The following PARP8 variants were observed in gnomAD, a reference collection of about 807,000 sequenced individuals.
The protein encoded by PARP8 is protein mono-ADP-ribosyltransferase PARP8.
PARP8 carries 51 observed loss-of-function variants against 124.1 expected under a neutral mutation model. The observed-to-expected ratio is 0.41, with a 90% CI of 0.33 to 0.52. The LOEUF (loss-of-function observed/expected upper bound fraction) is 0.52, where lower values mean the gene tolerates loss of function less well. Among genes scored for constraint, PARP8 ranks in the 20% least tolerant of loss-of-function variants. PARP8 has a pLI of 0.21. For synonymous variants in PARP8, 391 were observed against 361.5 expected (o/e 1.08, Z -0.93); for missense variants, 860 against 1,018.9 (o/e 0.84, Z 2.12).
intron 22 of PARP8, among the ~76,000 whole-genome samples, chr5:50,832,102 T>C (rs2149718566): frequency 6.6e-6 from 1 of 152,266 alleles, no homozygotes. Context: ...AACAGGCTTT[T>C]CCCCTTCTCA....
intron 3 of PARP8, among the ~76,000 whole-genome samples, chr5:50,753,506 A>G (rs1465297127): frequency 1.3e-5 from 2 of 152,256 alleles, no homozygotes; most frequent in East Asian, 3.9e-4. Context: ...CTTTTTAGTG[A>G]CAATACTTTC....
chr5:50,814,567 C>A, intron 14 of PARP8, among the ~76,000 whole-genome samples: 1 of 151,986 alleles, frequency 6.6e-6, no homozygotes, highest in East Asian at 1.9e-4. Flanking sequence ...TTTGGACAGG[C>A]TTTCTATCTA....
At chr5:50,810,289 A>G (rs774990331) in intron 14 of PARP8, among the ~76,000 whole-genome samples, 7 of 152,004 alleles carry the variant, frequency 4.6e-5, no homozygotes, top group Non-Finnish European at 8.8e-5. Context: ...AATTGGGACT[A>G]ATAGTCTTTT....
intron 2 of PARP8, among the ~76,000 whole-genome samples, chr5:50,735,147 G>T (rs1451059652): frequency 6.6e-6 from 1 of 151,878 alleles, no homozygotes; most frequent in East Asian, 1.9e-4. Context: ...CTTTTGTTTG[G>T]CTTCTGGGTA....
chr5:50,755,118 C>T (rs1383940324), intron 3 of PARP8, among the ~76,000 whole-genome samples: 2 of 152,092 alleles, frequency 1.3e-5, no homozygotes, highest in African/African-American at 2.4e-5. Context: ...CATTTTCTCC[C>T]ATTCTGTAGG....
At chr5:50,818,176 G>GGC (rs1241518212) in intron 15 of PARP8, among the ~76,000 whole-genome samples, 20 of 105,706 alleles carry the variant, frequency 1.9e-4, no homozygotes, top group East Asian at 5.2e-4. Context: ...ATATCATTTA[G>GGC]CCCCCCCCCC....
chr5:50,726,300 C>T (rs1222911326), intron 2 of PARP8, among the ~76,000 whole-genome samples: 2 of 151,860 alleles, frequency 1.3e-5, no homozygotes, highest in Non-Finnish European at 2.9e-5. Context: ...TCATTAAGTG[C>T]GTAGTACAAA....
intron 2 of PARP8, among the ~76,000 whole-genome samples, chr5:50,673,478 A>G (rs1480157412): frequency 6.6e-6 from 1 of 152,176 alleles, no homozygotes; most frequent in Non-Finnish European, 1.5e-5. Flanking sequence ...CGTGTTTCCA[A>G]AAAACACAAA....
chr5:50,705,778 T>A (rs1265209166), intron 2 of PARP8, among the ~76,000 whole-genome samples: 1 of 151,614 alleles, frequency 6.6e-6, no homozygotes, highest in African/African-American at 2.4e-5. Context: ...AGACTCTGTT[T>A]CCCAAAAAAA....
At chr5:50,807,513 G>T (rs1054529583) in intron 14 of PARP8, among the ~76,000 whole-genome samples, 2 of 152,078 alleles carry the variant, frequency 1.3e-5, no homozygotes, top group Non-Finnish European at 2.9e-5. Flanking sequence ...AATTGTTTTA[G>T]AGATGGTTTT....
At chr5:50,822,437 A>T in intron 17 of PARP8, 37 bp downstream of exon 17, 1 of 1,493,616 alleles carries the variant, frequency 6.7e-7, no homozygotes, top group South Asian at 1.2e-5. Flanking sequence ...GTATATTTTT[A>T]AAATGTCTGA....
chr5:50,675,465 C>T (rs1486858937), intron 2 of PARP8, among the ~76,000 whole-genome samples: 1 of 152,096 alleles, frequency 6.6e-6, no homozygotes, highest in Non-Finnish European at 1.5e-5. Flanking sequence ...CCACCACGGC[C>T]GGCTAATTTT....
intron 2 of PARP8, among the ~76,000 whole-genome samples, chr5:50,703,477 G>A (rs2149478428): frequency 6.6e-6 from 1 of 152,070 alleles, no homozygotes; most frequent in East Asian, 1.9e-4. Context: ...CTCCTTAGGG[G>A]GGTTTGATTT....
At position 50,667,836 on chromosome 5, in the gene PARP8, C is replaced by T. The variant is rs1419434588; in HGVS notation, c.92-235C>T. On this transcript the variant is annotated intron_variant, in intron 1 of 25. Transcript: ENST00000281631. The stretch of plus-strand genomic sequence containing the variant: ...TTCCGGCCTCCCCTATCGGGAAATT[C>T]CCGCTGTTGCCATGGCACCCGGCAC... The T allele has an allele frequency of 7.9e-6, 10 of 1,259,770 alleles. No homozygotes were observed. The East Asian group carries it at 1.0e-4, about 13-fold the overall frequency. The allele number at this position is 1,259,770 out of a possible 1,614,324, so 78.0% of individuals were successfully genotyped here. A position where few individuals can be genotyped will look rare whatever the true frequency, so the allele number is the denominator to read the frequency against.
At chr5:50,733,929 G>A (rs1387860220) in intron 2 of PARP8, among the ~76,000 whole-genome samples, 1 of 152,034 alleles carries the variant, frequency 6.6e-6, no homozygotes, top group Non-Finnish European at 1.5e-5. Flanking sequence ...CTCCAAAAGC[G>A]TAACTTAAGT....
intron 23 of PARP8, 93 bp from the exon 24 acceptor site, chr5:50,833,886 C>T: frequency 1.1e-6 from 1 of 894,812 alleles, no homozygotes; most frequent in Non-Finnish European, 1.8e-6. Context: ...TGACCTGGAG[C>T]CATCTTAGTG....
At chr5:50,746,840 A>G (rs1758592604) in intron 2 of PARP8, among the ~76,000 whole-genome samples, 1 of 152,142 alleles carries the variant, frequency 6.6e-6, no homozygotes, top group South Asian at 2.1e-4. Context: ...CAGCCTGGGC[A>G]ATATAACAAG....
At chr5:50,789,028 C>G (rs546176101) in intron 10 of PARP8, among the ~76,000 whole-genome samples, 2 of 152,306 alleles carry the variant, frequency 1.3e-5, no homozygotes, top group East Asian at 1.9e-4. Flanking sequence ...ATGACTTTCT[C>G]TCTTACTGGG....
intron 2 of PARP8, among the ~76,000 whole-genome samples, chr5:50,681,662 C>A (rs1751307539): frequency 1.3e-5 from 2 of 152,102 alleles, no homozygotes; most frequent in African/African-American, 4.8e-5. Context: ...AGAGGAGACT[C>A]AAGAATCAGA....
Sources: gnomAD v4.1 joint callset for allele counts (sites outside exome capture counted in the v4.1 genomes callset) on GRCh38, gnomAD v4.1.1 for gene constraint, MANE v1.5 for transcripts, NCBI Gene and HGNC (gene_info 2026-07-23, HGNC 2026-07-21) for gene names.